PTPN21: variants seen among roughly 807,000 people sequenced by gnomAD.
The protein encoded by PTPN21 is tyrosine-protein phosphatase non-receptor type 21.
Under a neutral mutation model 131.8 loss-of-function variants are expected in PTPN21, and 77 were observed. The observed-to-expected ratio is 0.58, with a 90% CI of 0.49 to 0.71. The LOEUF (loss-of-function observed/expected upper bound fraction) is 0.71. Ranked by LOEUF, PTPN21 falls within the 30% of genes least tolerant of loss-of-function variation. The pLI is 0.00. For missense variants in PTPN21, 1,552 were observed against 1,527.1 expected (o/e 1.02, Z -0.27); for synonymous variants, 715 against 621.3 (o/e 1.15, Z -2.24).
At chr14:88,480,950 C>T (rs573456377) in intron 12 of PTPN21, among the ~76,000 whole-genome samples, 1 of 152,268 alleles carries the variant, frequency 6.6e-6, no homozygotes, top group East Asian at 1.9e-4. Flanking sequence ...TGCCCCCTGC[C>T]CTGGCCCCCA....
intron 6 of PTPN21, among the ~76,000 whole-genome samples, chr14:88,502,592 C>T (rs1422592028): frequency 1.3e-5 from 2 of 152,216 alleles, no homozygotes; most frequent in Admixed American, 6.5e-5. Context: ...GCATCCAGCA[C>T]TCTTCCTCTG....
chr14:88,520,771 T>A (rs1196722787), intron 2 of PTPN21, among the ~76,000 whole-genome samples: 1 of 152,196 alleles, frequency 6.6e-6, no homozygotes, highest in Non-Finnish European at 1.5e-5. Context: ...AATAAAGTAA[T>A]ATCTCCCTCA....
chr14:88,505,332 A>C lies in PTPN21; in HGVS notation c.488T>G (p.Phe163Cys). 6.2e-7 allele frequency: 1 copy of C among 1,610,034 alleles called. No individual in the cohort carries two copies. The highest frequency in any genetic ancestry group is 8.5e-7 in the Non-Finnish European group (1 of 1,176,990). Residue 163 changes from phenylalanine (F) to cysteine (C), a missense_variant, in exon 5 of 19, where the codon TTT (phenylalanine) becomes TGT (cysteine). Around this residue, in one of 4 missense-constraint regions of PTPN21, gnomAD observed 206 missense variants for 221.6 expected, o/e 0.93. Coordinates refer to ENST00000556564, the MANE Select transcript of PTPN21 (RefSeq NM_007039.4). ...AGGAAACAAGGCAAATTTCTGAAGAAAGTCCTGGGATTCATACTGATCAAA... is the reference window on the plus strand; with the variant it reads ...AGGAAACAAGGCAAATTTCTGAAGACAGTCCTGGGATTCATACTGATCAAA... ...GDFDQYESQD[F>C]LQKFALFPVG...
In PTPN21 at chr14:88,479,207, C is replaced by T. The variant is rs724159942; in HGVS notation, c.2224G>A (p.Asp742Asn). The change falls in exon 13 of 19, where the codon GAC becomes AAC. Residue 742 changes from aspartate (D) to asparagine (N), a missense_variant. By Grantham distance (23) the Asp-to-Asn change is conservative. Around this residue, in one of 4 missense-constraint regions of PTPN21, gnomAD observed 1,016 missense variants for 883.5 expected, o/e 1.15. Transcript: ENST00000556564. ...AREPRPGLAQ[D>N]PPGCPRVLLA... ...AGGACGCGAGGGCAGCCAGGTGGGT[C>T]CTGGGCCAGGCCGGGCCGAGGCTCG... 1 of 1,593,350 alleles carries T rather than the reference C, an allele frequency of 6.3e-7. No homozygotes were observed. The highest frequency in any genetic ancestry group is 1.7e-4 in the Middle Eastern group (1 of 5,918).
rs146364247 is a variant in PTPN21, at chr14:88,468,950, G to A, written c.3362C>T (p.Ser1121Leu). Residue 1121 changes from serine (S) to leucine (L), a missense_variant, in exon 18 of 19, where the codon TCG (serine) becomes TTG (leucine). Coordinates refer to ENST00000556564, the MANE Select transcript of PTPN21 (RefSeq NM_007039.4). ...TTCCAGGCAGGCGATCATGATCTCCGACAAAATCACCACGCCAGTCCTTCC... is the reference window on the plus strand; with the variant it reads ...TTCCAGGCAGGCGATCATGATCTCCAACAAAATCACCACGCCAGTCCTTCC... ...GVGRTGVVIL[S>L]EIMIACLEHN... 4.2e-5 allele frequency: 68 copies of A among 1,614,138 alleles called. No individual in the cohort carries two copies. The highest frequency in any genetic ancestry group is 6.7e-5 in the East Asian group (3 of 44,886).
Position 88,479,437 on chromosome 14 carries a change from G to A in PTPN21, c.1994C>T (p.Ala665Val), listed in dbSNP as rs748445070. 16 of 1,601,290 alleles carry A rather than the reference G, an allele frequency of 1.0e-5. No homozygotes were observed. Among genetic ancestry groups the A allele is most frequent in the Middle Eastern group, 3.3e-4 (2 of 6,060 alleles). Residue 665 changes from alanine (A) to valine (V), a missense_variant, in exon 13 of 19, where the codon GCG (alanine) becomes GTG (valine). By Grantham distance (64) the Ala-to-Val change is moderately conservative. Coordinates refer to ENST00000556564, the MANE Select transcript of PTPN21 (RefSeq NM_007039.4). The part of the protein sequence containing the change: ...RTLSASAAEV[A>V]PRAVSVGSQP... ...GGAGCCCACCGAGACGGCTCGCGGC[G>A]CCACCTCTGCCGCCGACGCGGATAG...
intron 2 of PTPN21, among the ~76,000 whole-genome samples, chr14:88,544,017 A>G (rs547482124): frequency 6.6e-6 from 1 of 152,160 alleles, no homozygotes; most frequent in Admixed American, 6.5e-5. Context: ...AGAGACTTCC[A>G]TGGTTTCACA....
At position 88,470,145 on chromosome 14, in the gene PTPN21, A is replaced by T. The variant is rs968846753; in HGVS notation, c.2872-95T>A. Reference sequence around the variant, plus strand: ...ATGGTAGTACTAAAAAAGTTTTTTTAAAAAAGTAAAAAGTAAAAAAGTAGT... The same window carrying T: ...ATGGTAGTACTAAAAAAGTTTTTTTTAAAAAGTAAAAAGTAAAAAAGTAGT... On this transcript the variant is annotated intron_variant, in intron 15 of 18. Transcript: ENST00000556564. 2.6e-5 allele frequency: 32 copies of T among 1,230,684 alleles called. No homozygotes were observed. The Admixed American group carries it at 4.0e-4, about 15-fold the overall frequency. 76.2% of individuals were successfully genotyped at this position (1,230,684 alleles called of 1,614,324 possible).
rs142971006 is a variant in PTPN21, at chr14:88,482,171, G to T, written c.1079-1819C>A. Among the ~76,000 whole-genome samples, 25 of 152,340 alleles carry T rather than the reference G, an allele frequency of 1.6e-4. No individual in the cohort carries two copies. The East Asian group carries it at 4.8e-3, about 29-fold the overall frequency. ...GGTGCATGGGGTAAGGGCACCTGAG[G>T]GTGCAGAGCGGCACTGGCAAAGCCA... On this transcript the variant is annotated intron_variant, in intron 12 of 18. Transcript: ENST00000556564.
intron 2 of PTPN21, among the ~76,000 whole-genome samples, chr14:88,538,825 A>G (rs1333727571): frequency 6.6e-6 from 1 of 152,196 alleles, no homozygotes; most frequent in Non-Finnish European, 1.5e-5. Context: ...CAGTTTTCCC[A>G]TCAGTAAAAT....
chr14:88,479,366 C>G lies in PTPN21; in HGVS notation c.2065G>C (p.Glu689Gln), dbSNP rs748547878. 27 of 1,612,134 alleles carry G rather than the reference C, an allele frequency of 1.7e-5. No homozygotes were observed. The South Asian group carries it at 2.5e-4, about 15-fold the overall frequency. ...TERTQREGPE[E>Q]AEGLRYGHKK... ...TGGCCGTACCTCAAGCCCTCCGCCTCCTCCGGCCCTTCTCGCTGTGTCCTC... is the reference window on the plus strand; with the variant it reads ...TGGCCGTACCTCAAGCCCTCCGCCTGCTCCGGCCCTTCTCGCTGTGTCCTC... Residue 689 changes from glutamate (E) to glutamine (Q), a missense_variant, in exon 13 of 19, where the codon GAG becomes CAG. Transcript: ENST00000556564.
rs146083713 is a variant in PTPN21, at chr14:88,523,056, C to T, written c.181-5795G>A. Reference sequence around the variant, plus strand: ...AAACAAACAAGGTGGGGAGTGAGCACGAAAATCAAGGAAAAGGAGAGAATA... The same window carrying T: ...AAACAAACAAGGTGGGGAGTGAGCATGAAAATCAAGGAAAAGGAGAGAATA... On this transcript the variant is annotated intron_variant, in intron 2 of 18. Coordinates refer to ENST00000556564, the MANE Select transcript of PTPN21 (RefSeq NM_007039.4). Among the ~76,000 whole-genome samples, 441 of 151,296 alleles carry T rather than the reference C, an allele frequency of 2.9e-3. 2 individuals are homozygous for T. Among genetic ancestry groups the T allele is most frequent in the African/African-American group, 0.01 (427 of 41,238 alleles).
At chr14:88,494,570 G>C (rs551504808) in intron 10 of PTPN21, among the ~76,000 whole-genome samples, 1 of 152,224 alleles carries the variant, frequency 6.6e-6, no homozygotes, top group South Asian at 2.1e-4. Flanking sequence ...GCTGAGGTGG[G>C]AGGATCACCT....
In PTPN21 at chr14:88,479,602, C is replaced by T. The variant is rs1327576908; in HGVS notation, c.1829G>A (p.Ser610Asn). 2 of 1,585,744 alleles carry T rather than the reference C, an allele frequency of 1.3e-6. No individual in the cohort carries two copies. The highest frequency in any genetic ancestry group is 1.7e-6 in the Non-Finnish European group (2 of 1,172,050). Residue 610 changes from serine (S) to asparagine (N), a missense_variant, in exon 13 of 19, where the codon AGC becomes AAC. This residue lies in a region of PTPN21 where 1,016 missense variants were observed against 883.5 expected (regional missense o/e 1.15). Transcript: ENST00000556564. The stretch of plus-strand genomic sequence containing the variant: ...CTGCAGCGAGTGCGCCACGGGCAGG[C>T]TGTCCTCCTGGAACGTTTGCACCGA... ...HHSVQTFQED[S>N]LPVAHSLQEV...
intron 5 of PTPN21, among the ~76,000 whole-genome samples, chr14:88,504,880 A>T (rs201041965): frequency 6.6e-6 from 1 of 152,234 alleles, no homozygotes; most frequent in Non-Finnish European, 1.5e-5. Context: ...TGTCCCTTCC[A>T]TCAGTAATGA....
At chr14:88,548,603 T>C (rs541475802) in intron 2 of PTPN21, among the ~76,000 whole-genome samples, 2 of 152,194 alleles carry the variant, frequency 1.3e-5, no homozygotes, top group African/African-American at 2.4e-5. Context: ...CTTCCAAGTA[T>C]GTATGTGCTT....
At position 88,550,442 on chromosome 14, in the gene PTPN21, G is replaced by A. The variant is rs1189321814; in HGVS notation, c.-25C>T. The A allele has an allele frequency of 1.9e-6, 3 of 1,605,430 alleles. No individual in the cohort carries two copies. Among genetic ancestry groups the A allele is most frequent in the Middle Eastern group, 3.3e-4 (2 of 6,038 alleles). On this transcript the variant is annotated 5_prime_UTR_variant, in exon 2 of 19. Transcript: ENST00000556564. ...TCTTCTTCTTTCTTCAAGAATGGAGGAGCAAAGAGGGAAAAGCTACCCCCA... is the reference window on the plus strand; with the variant it reads ...TCTTCTTCTTTCTTCAAGAATGGAGAAGCAAAGAGGGAAAAGCTACCCCCA...
intron 2 of PTPN21, among the ~76,000 whole-genome samples, chr14:88,518,296 A>C (rs2078318980): frequency 8.8e-6 from 1 of 113,058 alleles, no homozygotes; most frequent in Middle Eastern, 3.9e-3. Flanking sequence ...ACGCACACAC[A>C]CACACATATA....
At chr14:88,478,848 C>T (rs2077585256) in intron 13 of PTPN21, 72 bp downstream of exon 13, 1 of 1,024,592 alleles carries the variant, frequency 9.8e-7, no homozygotes, top group Admixed American at 2.9e-5. Context: ...AAACACGGGA[C>T]GTGATGAGTG....
Sources: gnomAD v4.1 joint callset for allele counts (sites outside exome capture counted in the v4.1 genomes callset) on GRCh38, gnomAD v4.1.1 for gene constraint, gnomAD v4.1.1 regional missense constraint, MANE v1.5 for transcripts, NCBI Gene and HGNC (gene_info 2026-07-23, HGNC 2026-07-21) for gene names.